Variants in CFAP54 observed in about 807,000 individuals in gnomAD.
CFAP54 encodes the protein cilia- and flagella-associated protein 54.
Under a neutral mutation model 370.4 loss-of-function variants are expected in CFAP54, and 290 were observed. The ratio of observed to expected loss-of-function variants is 0.78; its 90% CI spans 0.71 to 0.86. The LOEUF (loss-of-function observed/expected upper bound fraction) is 0.86, where lower values mean the gene tolerates loss of function less well. Among genes scored for constraint, CFAP54 ranks in the 40% least tolerant of loss-of-function variants. The pLI is 0.00. For missense variants in CFAP54, 3,399 were observed against 3,528.7 expected (o/e 0.96, Z 0.93); for synonymous variants, 1,206 against 1,236.5 (o/e 0.98, Z 0.52).
chr12:96,634,990 T>C (rs564888018), intron 32 of CFAP54, among the ~76,000 whole-genome samples: 79 of 152,354 alleles, frequency 5.2e-4, no homozygotes, highest in Non-Finnish European at 6.6e-4. Context: ...ACTGTTGTTA[T>C]AGAGTAAACC....
intron 50 of CFAP54, among the ~76,000 whole-genome samples, chr12:96,734,716 A>G (rs1957960122): frequency 6.6e-6 from 1 of 152,172 alleles, no homozygotes; most frequent in Admixed American, 6.5e-5. Flanking sequence ...AGTTTTTTTA[A>G]GTAGAAAAAA....
chr12:96,747,692 A>G (rs1420541340), intron 55 of CFAP54, among the ~76,000 whole-genome samples: 1 of 152,202 alleles, frequency 6.6e-6, no homozygotes, highest in Non-Finnish European at 1.5e-5. Context: ...GAATCTTGGC[A>G]TTACTATTTC....
rs182345607 is a variant in CFAP54 at position 96,728,784 on chromosome 12, T to C, written c.6965+8219T>C. Among the ~76,000 whole-genome samples the C allele has an allele frequency of 8.1e-4, 123 of 152,308 alleles. 1 individual carries two copies. The highest frequency in any genetic ancestry group is 2.8e-3 in the African/African-American group (118 of 41,566). ...TTTAGAGTTTCCAGTTTTTCTGCTC[T>C]GTTTTTTCCCCATCTTTATGGTTTT... On this transcript the variant is annotated intron_variant, in intron 50 of 67. Coordinates refer to ENST00000524981, the MANE Select transcript of CFAP54 (RefSeq NM_001306084.2).
In CFAP54 at chr12:96,598,767, G is replaced by T; in HGVS notation, c.3639G>T (p.Lys1213Asn). The T allele has an allele frequency of 1.7e-6, 1 of 596,622 alleles. No individual in the cohort carries two copies. The highest frequency in any genetic ancestry group is 2.2e-5 in the South Asian group (1 of 45,730). 37.0% of individuals were successfully genotyped at this position (596,622 alleles called of 1,614,324 possible). ...MIACCIFYIT[K>N]ILRSWREYDL... ...CTTGTTGTATTTTCTACATAACAAA[G>T]GTATTTATCTCATTCTTTATCTAGT... The change falls in exon 26 of 68, where the codon AAG (lysine) becomes AAT (asparagine). Residue 1213 changes from lysine to asparagine, a missense_variant and splice_region_variant. By Grantham distance (94) the Lys-to-Asn change is moderately conservative. This residue lies in a region of CFAP54 where 2,796 missense variants were observed against 2,869.7 expected (regional missense o/e 0.97). Coordinates refer to ENST00000524981, the MANE Select transcript of CFAP54 (RefSeq NM_001306084.2).
intron 58 of CFAP54, among the ~76,000 whole-genome samples, chr12:96,759,828 A>C (rs531433938): frequency 3.4e-4 from 52 of 152,290 alleles, no homozygotes; most frequent in African/African-American, 1.2e-3. Context: ...AAACAAGATA[A>C]TGGGCTTGTA....
intron 1 of CFAP54, among the ~76,000 whole-genome samples, chr12:96,493,422 C>G (rs1009576029): frequency 7.2e-5 from 11 of 152,188 alleles, no homozygotes; most frequent in African/African-American, 2.2e-4. Context: ...CAGCAGTGAA[C>G]CAGACAAAAG....
At chr12:96,588,066 A>G (rs1199108572) in intron 22 of CFAP54, among the ~76,000 whole-genome samples, 2 of 152,346 alleles carry the variant, frequency 1.3e-5, no homozygotes, top group East Asian at 3.9e-4. Flanking sequence ...ACACCTTTAA[A>G]TTCTTCCATC....
In CFAP54 at chr12:96,500,950, C is replaced by A; in HGVS notation, c.423+11C>A. The A allele has an allele frequency of 6.7e-7, 1 of 1,500,720 alleles. No individual in the cohort carries two copies. The highest frequency in any genetic ancestry group is 9.0e-7 in the Non-Finnish European group (1 of 1,117,318). The allele number at this position is 1,500,720 out of a possible 1,614,324, so 93.0% of individuals were successfully genotyped here. ...CTTTGTCAAATGAAAGTAAGTGCCTCTGCAGGAAAGAGCCAAAAAGAAGTT... is the reference window on the plus strand; with the variant it reads ...CTTTGTCAAATGAAAGTAAGTGCCTATGCAGGAAAGAGCCAAAAAGAAGTT... On this transcript the variant is annotated intron_variant, in intron 2 of 67. Coordinates refer to ENST00000524981, the MANE Select transcript of CFAP54 (RefSeq NM_001306084.2).
At chr12:96,835,664 G>A (rs1278128415) in intron 66 of CFAP54, among the ~76,000 whole-genome samples, 1 of 152,186 alleles carries the variant, frequency 6.6e-6, no homozygotes, top group Non-Finnish European at 1.5e-5. Flanking sequence ...AAGAATGTAG[G>A]GATACCTGAG....
intron 6 of CFAP54, 21 bp downstream of exon 6, chr12:96,519,092 G>A (rs1481348552): frequency 6.7e-7 from 1 of 1,503,394 alleles, no homozygotes; most frequent in Non-Finnish European, 8.8e-7. Context: ...TTTTAACTCT[G>A]AGGAGTCGAG....
chr12:96,677,777 C>T (rs112755785), intron 39 of CFAP54, among the ~76,000 whole-genome samples: 18 of 152,106 alleles, frequency 1.2e-4, no homozygotes, highest in South Asian at 1.0e-3. Context: ...TCTGTCAATG[C>T]GGCCATGTCC....
rs1222868197 is a variant in CFAP54 at position 96,518,991 on chromosome 12, A to G, written c.862A>G (p.Arg288Gly). 2.0e-6 allele frequency: 3 copies of G among 1,535,860 alleles called. No homozygotes were observed. The African/African-American group carries it at 4.1e-5, about 21-fold the overall frequency. Residue 288 changes from arginine (R) to glycine (G), a missense_variant, in exon 6 of 68, where the codon AGG becomes GGG. Arg to Gly is a moderately radical substitution (Grantham distance 125, BLOSUM62 -2). Around this residue, in one of 3 missense-constraint regions of CFAP54, gnomAD observed 559 missense variants for 576.7 expected, o/e 0.97. Coordinates refer to ENST00000524981, the MANE Select transcript of CFAP54 (RefSeq NM_001306084.2). ...GTCCTTGGTCCCGCTCCTGTCACTCAGGTACTTGACATGGCGCGCTACTCT... is the reference window on the plus strand; with the variant it reads ...GTCCTTGGTCCCGCTCCTGTCACTCGGGTACTTGACATGGCGCGCTACTCT... ...MESLVPLLSL[R>G]YLTWRATLYT...
intron 8 of CFAP54, among the ~76,000 whole-genome samples, chr12:96,525,356 T>A (rs1955367691): frequency 6.6e-6 from 1 of 151,926 alleles, no homozygotes. Context: ...TTTTCATACT[T>A]GACAATCCAT....
intron 63 of CFAP54, among the ~76,000 whole-genome samples, chr12:96,799,050 C>A (rs1292969290): frequency 6.6e-6 from 1 of 152,080 alleles, no homozygotes; most frequent in Non-Finnish European, 1.5e-5. Context: ...ATTATCTATA[C>A]CTTTATTCAT....
At chr12:96,544,712 C>T (rs1955619243) in intron 14 of CFAP54, among the ~76,000 whole-genome samples, 1 of 152,058 alleles carries the variant, frequency 6.6e-6, no homozygotes. Flanking sequence ...TTTTCTGTTA[C>T]TTAGAATACC....
rs1380245147 is a variant in CFAP54, at chr12:96,784,617, G to C, written c.8282-100G>C. On this transcript the variant is annotated intron_variant, in intron 60 of 67. Coordinates refer to ENST00000524981, the MANE Select transcript of CFAP54 (RefSeq NM_001306084.2). ...AAATTGAACATAGTATCATGTGTCAGCATTTCCTTTATGAGCTGTGCTTTT... is the reference window on the plus strand; with the variant it reads ...AAATTGAACATAGTATCATGTGTCACCATTTCCTTTATGAGCTGTGCTTTT... 56 of 877,762 alleles carry C rather than the reference G, an allele frequency of 6.4e-5. 1 individual carries two copies. The South Asian group carries it at 1.2e-3, about 19-fold the overall frequency. The allele number at this position is 877,762 out of a possible 1,614,324, so 54.4% of individuals were successfully genotyped here.
At chr12:96,753,493 C>T (rs1958214251) in intron 55 of CFAP54, among the ~76,000 whole-genome samples, 1 of 151,980 alleles carries the variant, frequency 6.6e-6, no homozygotes, top group Non-Finnish European at 1.5e-5. Context: ...GAGAGATTAT[C>T]CTTCATTTAA....
intron 30 of CFAP54, among the ~76,000 whole-genome samples, chr12:96,627,629 A>G (rs1363549141): frequency 6.6e-6 from 1 of 152,226 alleles, no homozygotes; most frequent in Non-Finnish European, 1.5e-5. Context: ...ATTTCTTCCT[A>G]AAATAGGTAC....
At position 96,733,542 on chromosome 12, in the gene CFAP54, G is replaced by GTTTTTT. The variant is rs35984233; in HGVS notation, c.6966-6402_6966-6397dup. Among the ~76,000 whole-genome samples, 36 of 139,058 alleles carry GTTTTTT rather than the reference G, an allele frequency of 2.6e-4. 1 individual carries two copies. In the East Asian group the frequency reaches 3.3e-3, roughly 13 times the overall value. 91.2% of individuals were successfully genotyped at this position (139,058 alleles called of 152,430 possible). A position where few individuals can be genotyped will look rare whatever the true frequency, so the allele number is the denominator to read the frequency against. On this transcript the variant is annotated intron_variant, in intron 50 of 67. Transcript: ENST00000524981. ...GCCTCTTTCTTTCAAAATCCTGTGGGTTTTTTTTTTTTTTTTTAATAAGTG... is the reference window on the plus strand; with the variant it reads ...GCCTCTTTCTTTCAAAATCCTGTGGGTTTTTTTTTTTTTTTTTTTTTTTAATAAGTG...
Sources: allele counts gnomAD v4.1 joint callset (sites outside exome capture counted in the v4.1 genomes callset), GRCh38; gene constraint gnomAD v4.1.1; regional missense constraint gnomAD v4.1.1; transcripts MANE v1.5; gene names NCBI Gene and HGNC (gene_info 2026-07-23, HGNC 2026-07-21).